The following SNRPN variants were observed in gnomAD, a reference collection of about 807,000 sequenced individuals.
SNRPN encodes small nuclear ribonucleoprotein polypeptide N, also known as small nuclear ribonucleoprotein-associated protein N.
Under a neutral mutation model 25.2 loss-of-function variants are expected in SNRPN, and 7 were observed. The ratio of observed to expected loss-of-function variants is 0.28; its 90% CI spans 0.16 to 0.52. The LOEUF (loss-of-function observed/expected upper bound fraction) is 0.52. Ranked by LOEUF, SNRPN falls within the 20% of genes least tolerant of loss-of-function variation. The probability of loss-of-function intolerance (pLI) is 0.96; values close to 1 mark genes in which losing one functional copy is unlikely to be tolerated. For missense variants in SNRPN, 196 were observed against 322.5 expected (o/e 0.61, Z 3.00); for synonymous variants, 124 against 110.6 (o/e 1.12, Z -0.76).
intron 2 of SNRPN, among the ~76,000 whole-genome samples, chr15:24,847,520 A>AT (rs1323863870): frequency 6.6e-6 from 1 of 152,076 alleles, no homozygotes; most frequent in Non-Finnish European, 1.5e-5. Context: ...GGTGCCTGTA[A>AT]TCCCAACTAC....
chr15:24,873,837 G>T (rs2055519842), intron 1 of SNRPN, among the ~76,000 whole-genome samples: 1 of 152,072 alleles, frequency 6.6e-6, no homozygotes, highest in African/African-American at 2.4e-5. Flanking sequence ...GGGATCTGAT[G>T]ACCTGGAGTG....
intron 2 of SNRPN, among the ~76,000 whole-genome samples, chr15:24,835,447 T>C (rs2051080481): frequency 6.6e-6 from 1 of 152,068 alleles, no homozygotes; most frequent in Non-Finnish European, 1.5e-5. Flanking sequence ...TACTTACTTA[T>C]GAGTCTACTA....
chr15:24,834,751 C>CTCTCTCTCTCTATATATA lies in SNRPN; in HGVS notation c.-579+4847_-579+4848insCTCTCTCTCTATATATAT. 2.2e-3 allele frequency among the ~76,000 whole-genome samples: 133 copies of CTCTCTCTCTCTATATATA among 60,934 alleles called. 1 individual carries two copies. Among genetic ancestry groups the CTCTCTCTCTCTATATATA allele is most frequent in the Non-Finnish European group, 3.1e-3 (94 of 30,228 alleles). The allele number at this position is 60,934 out of a possible 152,430, so 40.0% of individuals were successfully genotyped here. A position where few individuals can be genotyped will look rare whatever the true frequency, so the allele number is the denominator to read the frequency against. On this transcript the variant is annotated intron_variant, in intron 2 of 12. Transcript: ENST00000400100. The stretch of plus-strand genomic sequence containing the variant: ...TCCCTCTCTCTCTCTCTCTCTCTCT[C>CTCTCTCTCTCTATATATA]TATATATATATATATATATATATAT...
intron 2 of SNRPN, among the ~76,000 whole-genome samples, chr15:24,898,056 T>C (rs2058187777): frequency 1.3e-5 from 2 of 152,094 alleles, no homozygotes; most frequent in Admixed American, 1.3e-4. Flanking sequence ...TCTTGGTAAA[T>C]GGTATCTAAA....
intron 1 of SNRPN, among the ~76,000 whole-genome samples, chr15:24,862,054 C>A (rs764691934): frequency 2.0e-5 from 3 of 150,806 alleles, no homozygotes; most frequent in Non-Finnish European, 4.4e-5. Flanking sequence ...TTGCTGCAGG[C>A]GATCCTGTAA....
At chr15:24,848,416 C>T (rs927583234) in intron 2 of SNRPN, 1 of 152,176 alleles carries the variant, frequency 6.6e-6, no homozygotes, top group Non-Finnish European at 1.5e-5. Context: ...ACCGCGGAAA[C>T]TTTAACCTGC....
rs12905301 is a variant in SNRPN at position 24,874,103 on chromosome 15, A to G, written c.-578-12413A>G. ...AGGCTGGCAGATCACGAGGTCAGGA[A>G]ATCGAGATTATCCTGGCTAACACAG... On this transcript the variant is annotated intron_variant, in intron 1 of 11. Coordinates refer to the SNRPN transcript ENST00000400097. Among the ~76,000 whole-genome samples the G allele has an allele frequency of 7.2e-5, 11 of 151,876 alleles. No homozygotes were observed. In the East Asian group the frequency reaches 7.8e-4, roughly 11 times the overall value.
At chr15:24,870,930 G>A (rs1429342231) in intron 1 of SNRPN, among the ~76,000 whole-genome samples, 2 of 151,292 alleles carry the variant, frequency 1.3e-5, no homozygotes, top group African/African-American at 4.9e-5. Flanking sequence ...ACCCAGCCTG[G>A]AGTGCAATGG....
At chr15:24,955,413 G>A (rs557440540) in intron 1 of SNRPN, among the ~76,000 whole-genome samples, 2 of 152,092 alleles carry the variant, frequency 1.3e-5, no homozygotes, top group Admixed American at 6.5e-5. Context: ...GTACATCAGG[G>A]TGATTGCAGT....
At chr15:24,976,259 G>T (rs749915726) in intron 5 of SNRPN, 46 bp from the exon 6 acceptor site, 1 of 1,375,168 alleles carries the variant, frequency 7.3e-7, no homozygotes, top group South Asian at 1.2e-5. Context: ...TGATGAGTGA[G>T]TGATCACTAA....
intron 2 of SNRPN, 80 bp from the exon 3 acceptor site, chr15:24,967,852 G>A: frequency 1.8e-6 from 2 of 1,093,752 alleles, no homozygotes; most frequent in Non-Finnish European, 2.8e-6. Flanking sequence ...AAATGTAAGG[G>A]TACCTAGTTT....
At chr15:24,944,957 A>G (rs1295851374) in intron 3 of SNRPN, among the ~76,000 whole-genome samples, 3 of 152,208 alleles carry the variant, frequency 2.0e-5, no homozygotes, top group Non-Finnish European at 4.4e-5. Flanking sequence ...AGGTCCACCC[A>G]TATTAAAGAA....
rs1566975458 is a variant in SNRPN at position 24,975,346 on chromosome 15, T to TA, written c.4-11dup. 6.2e-7 allele frequency: 1 copy of TA among 1,610,354 alleles called. No individual in the cohort carries two copies. The highest frequency in any genetic ancestry group is 1.7e-5 in the Admixed American group (1 of 59,960). ...GGCAAGCTGAACATGACTCTTGTCTTACTGCTTCTAGACTGTTGGCAAGAG... is the reference window on the plus strand; with the variant it reads ...GGCAAGCTGAACATGACTCTTGTCTTAACTGCTTCTAGACTGTTGGCAAGAG... On this transcript the variant is annotated splice_polypyrimidine_tract_variant and intron_variant, in intron 4 of 9. Coordinates refer to ENST00000390687, the MANE Select transcript of SNRPN (RefSeq NM_003097.6).
chr15:24,960,582 T>C (rs1805602740), intron 1 of SNRPN, among the ~76,000 whole-genome samples: 1 of 152,162 alleles, frequency 6.6e-6, no homozygotes. Flanking sequence ...CAGCCTTCCA[T>C]GAACCATTGC....
upstream of SNRPN, among the ~76,000 whole-genome samples, chr15:24,952,187 C>T (rs1185929089): frequency 6.6e-6 from 1 of 151,782 alleles, no homozygotes; most frequent in Non-Finnish European, 1.5e-5. Flanking sequence ...TATATATGTT[C>T]TATAACAAGT....
intron 1 of SNRPN, among the ~76,000 whole-genome samples, chr15:24,960,288 A>G (rs529873379): frequency 1.3e-5 from 2 of 152,300 alleles, no homozygotes; most frequent in East Asian, 3.9e-4. Context: ...TTCCACCAGC[A>G]GTTTCCCCAC....
chr15:24,957,171 C>G (rs1210196266), intron 1 of SNRPN, among the ~76,000 whole-genome samples: 1 of 152,140 alleles, frequency 6.6e-6, no homozygotes, highest in Non-Finnish European at 1.5e-5. Flanking sequence ...CCTTCTTAAT[C>G]TCTGGATAGT....
chr15:24,877,880 C>T (rs570565337), intron 1 of SNRPN, among the ~76,000 whole-genome samples: 3 of 152,122 alleles, frequency 2.0e-5, no homozygotes, highest in African/African-American at 7.2e-5. Context: ...TGTCCAGCAA[C>T]GATACAGGGA....
At chr15:24,830,054 A>C (rs560814328) in intron 2 of SNRPN, 24 of 152,176 alleles carry the variant, frequency 1.6e-4, no homozygotes, top group African/African-American at 5.5e-4. Context: ...GACCGCTTAC[A>C]TGTTGATGTT....
Sources: allele counts gnomAD v4.1 joint callset (sites outside exome capture counted in the v4.1 genomes callset), GRCh38; gene constraint gnomAD v4.1.1; transcripts MANE v1.5; gene names NCBI Gene and HGNC (gene_info 2026-07-23, HGNC 2026-07-21).